Variants in NWD1 observed in about 807,000 individuals in gnomAD.
NWD1 encodes the protein NACHT domain- and WD repeat-containing protein 1.
In NWD1, 129 loss-of-function variants were observed where a neutral mutation model predicts 135.1. The observed-to-expected ratio is 0.96, with a 90% CI of 0.83 to 1.11. The LOEUF (loss-of-function observed/expected upper bound fraction) is 1.11. Ranked by LOEUF, NWD1 falls within the 50% of genes least tolerant of loss-of-function variation. The pLI, the probability that NWD1 is intolerant of heterozygous loss-of-function variation, is 0.00. For synonymous variants in NWD1, 773 were observed against 786.0 expected, an observed-to-expected ratio of 0.98 and a Z score of 0.28; for missense variants, 1,740 against 1,851.3, an observed-to-expected ratio of 0.94 and a Z score of 1.10.
chr19:16,742,746 C>G (rs1275385096), intron 4 of NWD1, among the ~76,000 whole-genome samples: 4 of 151,984 alleles, frequency 2.6e-5, no homozygotes, highest in African/African-American at 7.2e-5. Context: ...TCTCGGCTCA[C>G]CACAACCTCC....
intron 12 of NWD1, among the ~76,000 whole-genome samples, chr19:16,788,395 C>T (rs1420278463): frequency 6.7e-6 from 1 of 150,270 alleles, no homozygotes; most frequent in Non-Finnish European, 1.5e-5. Context: ...ATAGTCAAAC[C>T]CGTCTCCACT....
At chr19:16,804,479 T>C (rs1445473131) in intron 17 of NWD1, among the ~76,000 whole-genome samples, 1 of 151,800 alleles carries the variant, frequency 6.6e-6, no homozygotes, top group East Asian at 1.9e-4. Context: ...CCTGTAGTCC[T>C]AGTTACTCCA....
chr19:16,802,286 TAAATAA>T (rs368646576), intron 17 of NWD1, among the ~76,000 whole-genome samples: 1 of 143,948 alleles, frequency 6.9e-6, no homozygotes, highest in Non-Finnish European at 1.5e-5. Context: ...AATAAATAAA[TAAATAA>T]AAATAAAAAT....
At chr19:16,786,671 C>T (rs888734336) in intron 12 of NWD1, among the ~76,000 whole-genome samples, 3 of 152,012 alleles carry the variant, frequency 2.0e-5, no homozygotes, top group Non-Finnish European at 2.9e-5. Flanking sequence ...CTCAGCTTCC[C>T]GAGGAGCTGG....
chr19:16,811,441 G>A (rs140099076), intron 18 of NWD1, among the ~76,000 whole-genome samples: 13,267 of 151,692 alleles, frequency 0.087, 665 homozygotes, highest in Middle Eastern at 0.13. Context: ...AAAATTAGCC[G>A]GGCATGGTGG....
Position 16,744,645 on chromosome 19 carries a change from A to C in NWD1, c.423A>C (p.Leu141=). Reference sequence around the variant, plus strand: ...AGGAGGCCACCTTAACTTCTGTCCTACGCTCTGGAGCCCAGGAGGCCCGGA... The same window carrying C: ...AGGAGGCCACCTTAACTTCTGTCCTCCGCTCTGGAGCCCAGGAGGCCCGGA... ...EPEEATLTSV[L]RSGAQEARRL... The change falls in exon 5 of 19, where the codon CTA becomes CTC. Residue 141 remains leucine, a synonymous_variant. Coordinates refer to ENST00000524140, the MANE Select transcript of NWD1 (RefSeq NM_001007525.5). The C allele has an allele frequency of 6.5e-7, 1 of 1,535,812 alleles. No homozygotes were observed. Among genetic ancestry groups the C allele is most frequent in the Non-Finnish European group, 8.7e-7 (1 of 1,146,784 alleles).
chr19:16,731,762 G>A (rs1485221956), intron 3 of NWD1, among the ~76,000 whole-genome samples: 1 of 149,964 alleles, frequency 6.7e-6, no homozygotes, highest in African/African-American at 2.4e-5. Context: ...CCGCCACCAC[G>A]CCCCTCTATC....
In NWD1 at chr19:16,762,021, C is replaced by T. The variant is rs544074252; in HGVS notation, c.2016C>T (p.Ser672=). 31 of 1,613,904 alleles carry T rather than the reference C, an allele frequency of 1.9e-5. No individual in the cohort carries two copies. Among genetic ancestry groups the T allele is most frequent in the East Asian group, 1.8e-4 (8 of 44,868 alleles). Reference sequence around the variant, plus strand: ...TCCGTGAGCGCTACCTGTCAGGATCCGAGAGAGCCAAGAGGCATGGCGTCC... The same window carrying T: ...TCCGTGAGCGCTACCTGTCAGGATCTGAGAGAGCCAAGAGGCATGGCGTCC... The part of the protein sequence containing the change: ...EVVRERYLSG[S]ERAKRHGVLA... Residue 672 remains serine (S), a synonymous_variant, in exon 8 of 19, where the codon TCC becomes TCT. Coordinates refer to ENST00000524140, the MANE Select transcript of NWD1 (RefSeq NM_001007525.5).
intron 11 of NWD1, among the ~76,000 whole-genome samples, chr19:16,773,836 C>G (rs1314265172): frequency 6.6e-6 from 1 of 152,096 alleles, no homozygotes; most frequent in African/African-American, 2.4e-5. Flanking sequence ...ATCCAATTAC[C>G]CTCCCATCCA....
At chr19:16,721,299 G>A (rs2059586834) in intron 1 of NWD1, 1 of 152,114 alleles carries the variant, frequency 6.6e-6, no homozygotes. Context: ...TCAAATGTTT[G>A]TCATACTGAG....
rs747964422 is a variant in NWD1, at chr19:16,759,276, G to A, written c.1821G>A (p.Glu607=). The A allele has an allele frequency of 3.1e-6, 5 of 1,614,072 alleles. No homozygotes were observed. The African/African-American group carries it at 4.0e-5, about 13-fold the overall frequency. ...ELKDVLSLDD[E]VLQDVYRDWT... Reference sequence around the variant, plus strand: ...AGGATGTTTTGTCCCTGGACGACGAGGTCCTGCAGGATGTGTACCGAGATT... The same window carrying A: ...AGGATGTTTTGTCCCTGGACGACGAAGTCCTGCAGGATGTGTACCGAGATT... The change falls in exon 7 of 19, where the codon GAG becomes GAA. Residue 607 remains glutamate, a synonymous_variant. Coordinates refer to ENST00000524140, the MANE Select transcript of NWD1 (RefSeq NM_001007525.5).
At chr19:16,765,294 T>C (rs904839692) in intron 10 of NWD1, 102 bp downstream of exon 10, 7 of 1,112,774 alleles carry the variant, frequency 6.3e-6, no homozygotes, top group Non-Finnish European at 6.4e-6. Flanking sequence ...TCAATTCTCA[T>C]ACCTTTCCTG....
Position 16,736,620 on chromosome 19 carries a change from T to C in NWD1, c.82-14T>C, listed in dbSNP as rs745495090. On this transcript the variant is annotated splice_polypyrimidine_tract_variant and intron_variant, in intron 3 of 18. Coordinates refer to ENST00000524140, the MANE Select transcript of NWD1 (RefSeq NM_001007525.5). ...ATGCCACCTCTCTGACAAACTTGTG[T>C]TTCTATTTCCCAGGTCGTTGATCTG... The C allele has an allele frequency of 6.8e-7, 1 of 1,477,340 alleles. No homozygotes were observed. The highest frequency in any genetic ancestry group is 1.2e-5 in the South Asian group (1 of 82,840). 91.5% of individuals were successfully genotyped at this position (1,477,340 alleles called of 1,614,324 possible).
Position 16,759,415 on chromosome 19 carries a change from G to A in NWD1, c.1960G>A (p.Ala654Thr). 1 of 1,563,672 alleles carries A rather than the reference G, an allele frequency of 6.4e-7. No individual in the cohort carries two copies. Residue 654 changes from alanine to threonine, a missense_variant, in exon 7 of 19, where the codon GCC becomes ACC. Coordinates refer to ENST00000524140, the MANE Select transcript of NWD1 (RefSeq NM_001007525.5). The part of the protein sequence containing the change: ...RRPVDGFTLL[A>T]IAHRQLVEVV... ...GCCCGTGGATGGCTTCACCCTCCTG[G>A]CCATTGCCCACAGGTAGGTCCAGGC...
intron 18 of NWD1, among the ~76,000 whole-genome samples, chr19:16,809,062 C>G (rs1229789542): frequency 6.6e-6 from 1 of 151,374 alleles, no homozygotes; most frequent in South Asian, 2.1e-4. Context: ...CTCAAGAAAA[C>G]AAAAAACAAA....
intron 2 of NWD1, among the ~76,000 whole-genome samples, chr19:16,726,326 G>A (rs149771893): frequency 2.0e-5 from 3 of 152,206 alleles, no homozygotes; most frequent in East Asian, 1.9e-4. Flanking sequence ...GCCCTGGCTG[G>A]CCTTGAACTG....
In NWD1 at chr19:16,762,030, C is replaced by T; in HGVS notation, c.2025C>T (p.Ala675=). 6.2e-7 allele frequency: 1 copy of T among 1,614,036 alleles called. No homozygotes were observed. Among genetic ancestry groups the T allele is most frequent in the East Asian group, 2.2e-5 (1 of 44,872 alleles). The change falls in exon 8 of 19, where the codon GCC becomes GCT. Residue 675 remains alanine, a synonymous_variant. Coordinates refer to ENST00000524140, the MANE Select transcript of NWD1 (RefSeq NM_001007525.5). ...RERYLSGSER[A]KRHGVLADFF... ...GCTACCTGTCAGGATCCGAGAGAGC[C>T]AAGAGGCATGGCGTCCTGGCCGACT...
intron 6 of NWD1, among the ~76,000 whole-genome samples, chr19:16,753,314 T>C (rs1968650724): frequency 6.6e-6 from 1 of 152,158 alleles, no homozygotes; most frequent in African/African-American, 2.4e-5. Flanking sequence ...GAGACAGAAA[T>C]CAAATGGCCT....
rs1007396792 is a variant in NWD1 at position 16,750,612 on chromosome 19, C to T, written c.1769+201C>T. The stretch of plus-strand genomic sequence containing the variant: ...GGGACTACGGGCATGCACCACTGTG[C>T]CCAGCAAAATATAATTTTTTTATTT... On this transcript the variant is annotated intron_variant, in intron 6 of 18. Coordinates refer to ENST00000524140, the MANE Select transcript of NWD1 (RefSeq NM_001007525.5). 4.0e-5 allele frequency among the ~76,000 whole-genome samples: 6 copies of T among 149,522 alleles called. No homozygotes were observed. The Admixed American group carries it at 4.0e-4, about 10-fold the overall frequency.
Sources: allele counts gnomAD v4.1 joint callset (sites outside exome capture counted in the v4.1 genomes callset), GRCh38; gene constraint gnomAD v4.1.1; transcripts MANE v1.5; gene names NCBI Gene and HGNC (gene_info 2026-07-23, HGNC 2026-07-21).